PODXL2: variants seen among roughly 807,000 people sequenced by gnomAD.
The protein encoded by PODXL2 is podocalyxin-like protein 2.
A neutral mutation model predicts 53.4 loss-of-function variants in PODXL2; 17 were observed. The observed-to-expected ratio is 0.32, with a 90% CI of 0.22 to 0.48. The LOEUF is 0.48. Ranked by LOEUF, PODXL2 falls within the 20% of genes least tolerant of loss-of-function variation. The probability of loss-of-function intolerance (pLI) is 0.99; values close to 1 mark genes in which losing one functional copy is unlikely to be tolerated. For synonymous variants in PODXL2, 311 were observed against 306.7 expected, an observed-to-expected ratio of 1.01 and a Z score of -0.15; for missense variants, 673 against 760.0, an observed-to-expected ratio of 0.89 and a Z score of 1.35.
intron 2 of PODXL2, among the ~76,000 whole-genome samples, chr3:127,658,719 CTCCTTATAAT>C (rs1280396674): frequency 6.6e-6 from 1 of 152,092 alleles, no homozygotes; most frequent in Admixed American, 6.6e-5. Flanking sequence ...TTTTCTCTTG[CTCCTTATAAT>C]TCTAAAATCA....
At chr3:127,670,930 C>T (rs2074828148) in intron 6 of PODXL2, among the ~76,000 whole-genome samples, 1 of 152,226 alleles carries the variant, frequency 6.6e-6, no homozygotes, top group Admixed American at 6.5e-5. Context: ...GGGTGGCCCC[C>T]CATGTGGCCT....
intron 2 of PODXL2, among the ~76,000 whole-genome samples, chr3:127,654,250 A>T (rs2074707784): frequency 6.6e-6 from 1 of 152,118 alleles, no homozygotes; most frequent in African/African-American, 2.4e-5. Context: ...CCTCAATTTC[A>T]GTTTGTCTCA....
Position 127,672,625 on chromosome 3 carries a change from C to T in PODXL2, c.*145C>T, listed in dbSNP as rs1181483896. ...TCGGCGCGGGCTCCTTCCCGCTTCC[C>T]CCGACTTCACACGGCGGCTTCGGAC... On this transcript the variant is annotated 3_prime_UTR_variant, in exon 8 of 8. Transcript: ENST00000342480. 35 of 526,786 alleles carry T rather than the reference C, an allele frequency of 6.6e-5. No homozygotes were observed. The highest frequency in any genetic ancestry group is 1.1e-4 in the Non-Finnish European group (33 of 313,500). 32.6% of individuals were successfully genotyped at this position (526,786 alleles called of 1,614,324 possible). A position where few individuals can be genotyped will look rare whatever the true frequency, so the allele number is the denominator to read the frequency against.
chr3:127,652,827 C>A (rs2074698084), intron 2 of PODXL2, among the ~76,000 whole-genome samples: 3 of 152,126 alleles, frequency 2.0e-5, no homozygotes, highest in Non-Finnish European at 4.4e-5. Flanking sequence ...GGAAGGGATT[C>A]CCTGGAGCGC....
chr3:127,641,757 G>C (rs1236789374), intron 2 of PODXL2, among the ~76,000 whole-genome samples: 1 of 149,918 alleles, frequency 6.7e-6, no homozygotes, highest in Non-Finnish European at 1.5e-5. Context: ...CTCAGGTGAT[G>C]TGCCCACCTC....
intron 4 of PODXL2, among the ~76,000 whole-genome samples, chr3:127,668,067 A>G (rs1456165016): frequency 6.6e-6 from 1 of 151,098 alleles, no homozygotes; most frequent in African/African-American, 2.4e-5. Flanking sequence ...CACTCTGTGT[A>G]CCCAGTTTCT....
Position 127,660,698 on chromosome 3 carries a change from G to A in PODXL2, c.670G>A (p.Asp224Asn). The A allele has an allele frequency of 6.2e-7, 1 of 1,614,212 alleles. No individual in the cohort carries two copies. The change falls in exon 3 of 8, where the codon GAC becomes AAC. Residue 224 changes from aspartate to asparagine, a missense_variant. Asp to Asn is a conservative substitution (Grantham distance 23). Coordinates refer to ENST00000342480, the MANE Select transcript of PODXL2 (RefSeq NM_015720.4). ...TPGATKSRHE[D>N]SGDQASSGVE... ...AGGGGCCACCAAAAGCAGGCATGAA[G>A]ACTCCGGGGACCAGGCCTCATCAGG...
intron 2 of PODXL2, among the ~76,000 whole-genome samples, chr3:127,652,479 C>T (rs1315187761): frequency 1.3e-5 from 2 of 152,258 alleles, no homozygotes; most frequent in South Asian, 4.1e-4. Flanking sequence ...AGGGGGTCTG[C>T]CCCAGGTGTC....
chr3:127,640,826 G>A (rs2074613587), intron 2 of PODXL2, among the ~76,000 whole-genome samples: 1 of 152,088 alleles, frequency 6.6e-6, no homozygotes, highest in Non-Finnish European at 1.5e-5. Flanking sequence ...GGAATCATAG[G>A]GACATTTTGT....
chr3:127,671,407 G>C (rs1188514945), intron 6 of PODXL2, 27 bp from the exon 7 acceptor site: 2 of 1,609,842 alleles, frequency 1.2e-6, no homozygotes, highest in Admixed American at 1.7e-5. Context: ...GACCTCAGCT[G>C]AGGAAACTGG....
chr3:127,639,747 T>A (rs924150599), intron 2 of PODXL2, among the ~76,000 whole-genome samples: 1 of 152,216 alleles, frequency 6.6e-6, no homozygotes, highest in African/African-American at 2.4e-5. Flanking sequence ...TTAGGGAGCC[T>A]TTATTCTGTG....
chr3:127,644,574 A>C (rs2074641762), intron 2 of PODXL2, among the ~76,000 whole-genome samples: 2 of 152,094 alleles, frequency 1.3e-5, no homozygotes, highest in African/African-American at 4.8e-5. Context: ...GATGAGCTCG[A>C]TTTGTTGTCC....
chr3:127,661,874 C>T (rs2107543350), intron 3 of PODXL2, among the ~76,000 whole-genome samples: 1 of 152,224 alleles, frequency 6.6e-6, no homozygotes, highest in South Asian at 2.1e-4. Context: ...TGTTCACACC[C>T]ACTGACACCG....
At chr3:127,670,091 G>A (rs2074822790) in intron 6 of PODXL2, among the ~76,000 whole-genome samples, 1 of 152,068 alleles carries the variant, frequency 6.6e-6, no homozygotes, top group Admixed American at 6.5e-5. Context: ...GTGCTTTTCT[G>A]GTGAGCATGT....
intron 2 of PODXL2, 101 bp downstream of exon 2, chr3:127,639,624 C>T (rs1007968537): frequency 2.6e-6 from 3 of 1,148,398 alleles, no homozygotes; most frequent in African/African-American, 1.5e-5. Flanking sequence ...CTTCTCTCTC[C>T]CTACAGTTTT....
chr3:127,647,110 C>T (rs1329796243), intron 2 of PODXL2, among the ~76,000 whole-genome samples: 3 of 152,122 alleles, frequency 2.0e-5, no homozygotes, highest in African/African-American at 7.2e-5. Flanking sequence ...TGCTGCTTTT[C>T]TAATGTTGGC....
chr3:127,637,853 T>G (rs2074588176), intron 1 of PODXL2, among the ~76,000 whole-genome samples: 1 of 152,232 alleles, frequency 6.6e-6, no homozygotes, highest in Admixed American at 6.5e-5. Flanking sequence ...ATGCTCATTT[T>G]TTTCAGTGGC....
Position 127,672,306 on chromosome 3 carries a change from C to T in PODXL2, c.1644C>T (p.Cys548=). The change falls in exon 8 of 8, where the codon TGC becomes TGT. Residue 548 remains cysteine (C), a synonymous_variant. Transcript: ENST00000342480. Reference sequence around the variant, plus strand: ...AGCTGCGCTTCGTGGAGAACGGCTGCCACGACAACCCCACGCTGGACGTGG... The same window carrying T: ...AGCTGCGCTTCGTGGAGAACGGCTGTCACGACAACCCCACGCTGGACGTGG... ...GEELRFVENG[C]HDNPTLDVAS... is the part of the protein sequence containing the mutation. 1 of 1,548,636 alleles carries T rather than the reference C, an allele frequency of 6.5e-7. No homozygotes were observed. Among genetic ancestry groups the T allele is most frequent in the African/African-American group, 1.4e-5 (1 of 73,266 alleles).
chr3:127,669,208 A>T lies in PODXL2; in HGVS notation c.1425+6A>T. On this transcript the variant is annotated splice_donor_region_variant and intron_variant, in intron 6 of 7. Coordinates refer to ENST00000342480, the MANE Select transcript of PODXL2 (RefSeq NM_015720.4). ...TCCGCAGGAGCCTGGAGGAGGTAAG[A>T]GTGCAGGGACCTGGACCTGTTAGCT... is the stretch of plus-strand genomic sequence containing the variant. 1 of 1,598,952 alleles carries T rather than the reference A, an allele frequency of 6.3e-7. No homozygotes were observed. The highest frequency in any genetic ancestry group is 1.1e-5 in the South Asian group (1 of 89,462).
Sources: gnomAD v4.1 joint callset for allele counts (sites outside exome capture counted in the v4.1 genomes callset) on GRCh38, gnomAD v4.1.1 for gene constraint, MANE v1.5 for transcripts, NCBI Gene and HGNC (gene_info 2026-07-23, HGNC 2026-07-21) for gene names.